NOL6: variants seen among roughly 807,000 people sequenced by gnomAD.
NOL6 encodes the protein nucleolar RNA-associated protein.
In NOL6, 33 loss-of-function variants were observed where a neutral mutation model predicts 131.7. The ratio of observed to expected loss-of-function variants is 0.25; its 90% CI spans 0.19 to 0.33. The LOEUF (loss-of-function observed/expected upper bound fraction) is 0.33. Ranked by LOEUF, NOL6 falls within the 10% of genes least tolerant of loss-of-function variation. The pLI, the probability that NOL6 is intolerant of heterozygous loss-of-function variation, is 1.00. For missense variants in NOL6, 1,297 were observed against 1,494.5 expected, an observed-to-expected ratio of 0.87 and a Z score of 2.18; for synonymous variants, 580 against 605.7, an observed-to-expected ratio of 0.96 and a Z score of 0.62.
At position 33,461,717 on chromosome 9, in the gene NOL6, G is replaced by A. The variant is rs1314755033; in HGVS notation, c.*947C>T. On this transcript the variant is annotated 3_prime_UTR_variant, in exon 26 of 26. Coordinates refer to ENST00000297990, the MANE Select transcript of NOL6 (RefSeq NM_022917.5). ...GGAAAGATCACCTCAGGCTGGGGGC[G>A]AGGGATGGGCTTAAGGAGGGGCACT... is the stretch of plus-strand genomic sequence containing the variant. 3 of 162,180 alleles carry A rather than the reference G, an allele frequency of 1.8e-5. No homozygotes were observed. Among genetic ancestry groups the A allele is most frequent in the Non-Finnish European group, 4.1e-5 (3 of 73,852 alleles). The allele number at this position is 162,180 out of a possible 1,614,324, so 10.0% of individuals were successfully genotyped here.
rs1161268146 is a variant in NOL6, at chr9:33,464,917, T to C, written c.2741A>G (p.Asn914Ser). Residue 914 changes from asparagine (N) to serine (S), a missense_variant, in exon 21 of 26, where the codon AAC becomes AGC. Asn to Ser is a conservative substitution (Grantham distance 46, BLOSUM62 1). Transcript: ENST00000297990. ...LFLVSTFDWK[N>S]NPLFVNLNNE... ...ATTGAGGTTGACAAAGAGGGGGTTG[T>C]TCTTCCAATCAAACGTTGATACCAA... The C allele has an allele frequency of 1.2e-6, 2 of 1,613,940 alleles. No individual in the cohort carries two copies. Among genetic ancestry groups the C allele is most frequent in the African/African-American group, 2.7e-5 (2 of 74,912 alleles).
chr9:33,469,754 G>C, intron 4 of NOL6, 87 bp from the exon 5 acceptor site: 1 of 1,506,380 alleles, frequency 6.6e-7, no homozygotes, highest in Non-Finnish European at 9.0e-7. Flanking sequence ...GAGAGAGCCA[G>C]GGCTCCTCTG....
intron 25 of NOL6, 50 bp from the exon 26 acceptor site, chr9:33,462,863 C>CAG: frequency 6.2e-7 from 1 of 1,607,776 alleles, no homozygotes; most frequent in Middle Eastern, 1.7e-4. Context: ...GCGGCACACC[C>CAG]AGAGACACCA....
chr9:33,461,806 G>T lies in NOL6; in HGVS notation c.*858C>A, dbSNP rs995602237. On this transcript the variant is annotated 3_prime_UTR_variant, in exon 26 of 26. Coordinates refer to ENST00000297990, the MANE Select transcript of NOL6 (RefSeq NM_022917.5). ...AAGCAGAGAGGCTACCAGAAAGTGG[G>T]TGTAGACCAGACTGAAAGGAGGCAG... 3.8e-5 allele frequency: 9 copies of T among 235,964 alleles called. No homozygotes were observed. Among genetic ancestry groups the T allele is most frequent in the Non-Finnish European group, 6.7e-5 (8 of 118,574 alleles). The allele number at this position is 235,964 out of a possible 1,614,324, so 14.6% of individuals were successfully genotyped here.
chr9:33,468,387 A>G lies in NOL6; in HGVS notation c.1242T>C (p.Val414=). 1 of 1,614,194 alleles carries G rather than the reference A, an allele frequency of 6.2e-7. No individual in the cohort carries two copies. The highest frequency in any genetic ancestry group is 1.3e-5 in the African/African-American group (1 of 75,068). The part of the protein sequence containing the change: ...ALADFHQAFS[V]VFLDSSGHLN... ...GATGGCCTGAGGAATCCAGGAAGAC[A>G]ACGGAGAAGGCCTGGTGGAAGTCAG... The change falls in exon 10 of 26, where the codon GTT becomes GTC. Residue 414 remains valine (V), a synonymous_variant. Coordinates refer to ENST00000297990, the MANE Select transcript of NOL6 (RefSeq NM_022917.5).
rs1827349827 is a variant in NOL6 at position 33,469,521 on chromosome 9, G to A, written c.705C>T (p.Pro235=). 2.5e-6 allele frequency: 4 copies of A among 1,609,670 alleles called. No individual in the cohort carries two copies. The East Asian group carries it at 8.9e-5, about 36-fold the overall frequency. Residue 235 remains proline (P), a synonymous_variant, in exon 5 of 26, where the codon CCC becomes CCT. Transcript: ENST00000297990. ...CACCACGCGGCCGCAGCAACAGTGA[G>A]GGTTTCAGGTGGCAGCCATTTGTGT... ...FSYTNGCHLK[P]SLLLRPRGKD...
Position 33,469,012 on chromosome 9 carries a change from C to T in NOL6, c.972G>A (p.Leu324=). Residue 324 remains leucine (L), a synonymous_variant, in exon 7 of 26, where the codon CTG becomes CTA. Transcript: ENST00000297990. ...CCTTCAGAAGTGCCACGCCATCCTTCAGGCCCTGGGCTGAACTCAGAATGG... is the reference window on the plus strand; with the variant it reads ...CCTTCAGAAGTGCCACGCCATCCTTTAGGCCCTGGGCTGAACTCAGAATGG... ...LSTILSSAQG[L]KDGVALLKVW... The T allele has an allele frequency of 1.9e-6, 3 of 1,614,216 alleles. No homozygotes were observed. In the South Asian group the frequency reaches 3.3e-5, roughly 18 times the overall value.
At position 33,466,117 on chromosome 9, in the gene NOL6, T is replaced by C; in HGVS notation, c.2318A>G (p.His773Arg). ...GGCAGTGGCACGGCACTGCAGACCA[T>C]GCTGTTGTGTCAACAGCTCTGCCAG... ...LRLAELLTQQ[H>R]GLQCRATATH... is the part of the protein sequence containing the mutation. Residue 773 changes from histidine to arginine, a missense_variant, in exon 18 of 26, where the codon CAT becomes CGT. Coordinates refer to ENST00000297990, the MANE Select transcript of NOL6 (RefSeq NM_022917.5). 3.1e-6 allele frequency: 5 copies of C among 1,612,224 alleles called. No homozygotes were observed. The highest frequency in any genetic ancestry group is 3.4e-6 in the Non-Finnish European group (4 of 1,178,936).
intron 1 of NOL6, chr9:33,472,710 C>T (rs550782605): frequency 3.4e-5 from 15 of 436,226 alleles, no homozygotes; most frequent in South Asian, 1.6e-4. Context: ...CGGTGGCTGA[C>T]GCCTGTAATC....
Position 33,467,273 on chromosome 9 carries a change from A to AATTTAGC in NOL6, c.1726-12_1726-11insGCTAAAT. 6.2e-7 allele frequency: 1 copy of AATTTAGC among 1,613,890 alleles called. No individual in the cohort carries two copies. The highest frequency in any genetic ancestry group is 1.7e-5 in the Admixed American group (1 of 60,010). ...GCGGAATTTAGCAGCCTGAGGAGGC[A>AATTTAGC]AGGGTGGTAGTAGAGCTGGGGAAGG... is the stretch of plus-strand genomic sequence containing the variant. On this transcript the variant is annotated splice_polypyrimidine_tract_variant and intron_variant, in intron 13 of 25. Coordinates refer to ENST00000297990, the MANE Select transcript of NOL6 (RefSeq NM_022917.5). The surrounding 1 kb of genome is among the most constrained non-coding windows in gnomAD (Gnocchi z 4.4).
At position 33,463,309 on chromosome 9, in the gene NOL6, GC is replaced by G; in HGVS notation, c.3126del (p.Ser1044HisfsTer3). 1 of 1,614,130 alleles carries G rather than the reference GC, an allele frequency of 6.2e-7. No individual in the cohort carries two copies. Among genetic ancestry groups the G allele is most frequent in the Non-Finnish European group, 8.5e-7 (1 of 1,179,988 alleles). On this transcript the variant is annotated frameshift_variant, in exon 24 of 26. Transcript: ENST00000297990. LOFTEE classifies it high-confidence loss of function. ...CCCAGCACGGGCATCAGGGATGAGG[GC>G]CCCGGCTGGCTGAGCAGGCCCCGGC... ...SFCRGLLSQP[G>X]PSSLMPVLGY... is the part of the protein sequence containing the mutation.
Position 33,471,987 on chromosome 9 carries a change from C to T in NOL6, c.378+17G>A. 1.3e-6 allele frequency: 2 copies of T among 1,587,048 alleles called. No individual in the cohort carries two copies. Among genetic ancestry groups the T allele is most frequent in the African/African-American group, 1.3e-5 (1 of 74,482 alleles). ...GGTCTCTCTTGGGCTTCCCAGTTCCCCAGGCCACTTGCTTACCTCTGTCTC... is the reference window on the plus strand; with the variant it reads ...GGTCTCTCTTGGGCTTCCCAGTTCCTCAGGCCACTTGCTTACCTCTGTCTC... On this transcript the variant is annotated intron_variant, in intron 3 of 25. Transcript: ENST00000297990.
At position 33,469,493 on chromosome 9, in the gene NOL6, T is replaced by A. The variant is rs775284948; in HGVS notation, c.727+6A>T. The A allele has an allele frequency of 6.2e-7, 1 of 1,600,434 alleles. No individual in the cohort carries two copies. Among genetic ancestry groups the A allele is most frequent in the Non-Finnish European group, 8.5e-7 (1 of 1,173,922 alleles). On this transcript the variant is annotated splice_donor_region_variant and intron_variant, in intron 5 of 25. Transcript: ENST00000297990. ...CTATGCCCTCAGCCCAATGTGTGCC[T>A]CTCACCACGCGGCCGCAGCAACAGT... is the stretch of plus-strand genomic sequence containing the variant.
chr9:33,469,440 C>T (rs1827347039), intron 5 of NOL6, 59 bp downstream of exon 5: 3 of 1,595,008 alleles, frequency 1.9e-6, no homozygotes, highest in African/African-American at 2.7e-5. Context: ...TGCCTCTGTG[C>T]CTTCTCCTCC....
rs567460620 is a variant in NOL6, at chr9:33,467,610, G to A, written c.1602+81C>T. 1.8e-5 allele frequency: 29 copies of A among 1,572,322 alleles called. No homozygotes were observed. Among genetic ancestry groups the A allele is most frequent in the Non-Finnish European group, 2.4e-5 (28 of 1,157,168 alleles). On this transcript the variant is annotated intron_variant, in intron 12 of 25. Transcript: ENST00000297990. This position sits in a 1 kb window ranked among gnomAD's most constrained non-coding sequence, Gnocchi z 4.4. ...GCTAGCTAGAAACGCCTAGCTGGAG[G>A]AATGGTGTGTCCTTTGTGTCTCTTG...
Position 33,465,836 on chromosome 9 carries a change from A to C in NOL6, c.2426T>G (p.Val809Gly), listed in dbSNP as rs552033932. The C allele has an allele frequency of 1.9e-6, 3 of 1,613,990 alleles. No individual in the cohort carries two copies. In the South Asian group the frequency reaches 3.3e-5, roughly 18 times the overall value. ...YQREPQILKE[V>G]QSPEGMISLR... Reference sequence around the variant, plus strand: ...CGAGATCATCCCCTCTGGGCTCTGCACCTCCTTCAGGATCTGGGGCTCCCG... The same window carrying C: ...CGAGATCATCCCCTCTGGGCTCTGCCCCTCCTTCAGGATCTGGGGCTCCCG... Residue 809 changes from valine to glycine, a missense_variant, in exon 19 of 26, where the codon GTG becomes GGG. Physicochemically the swap from Val to Gly is moderately radical, Grantham distance 109. Transcript: ENST00000297990.
Position 33,469,242 on chromosome 9 carries a change from G to C in NOL6, c.827C>G (p.Ser276Cys), listed in dbSNP as rs773088258. The change falls in exon 6 of 26, where the codon TCT (serine) becomes TGT (cysteine). Residue 276 changes from serine (S) to cysteine (C), a missense_variant. Physicochemically the swap from Ser to Cys is moderately radical, Grantham distance 112. Coordinates refer to ENST00000297990, the MANE Select transcript of NOL6 (RefSeq NM_022917.5). Reference sequence around the variant, plus strand: ...AGGACTCTGCCCTCGGTACCAGGCAGAGCGCACATTGTTCTTGGTTGGCAG... The same window carrying C: ...AGGACTCTGCCCTCGGTACCAGGCACAGCGCACATTGTTCTTGGTTGGCAG... ...RLLPTKNNVR[S>C]AWYRGQSPAG... The C allele has an allele frequency of 6.2e-7, 1 of 1,614,236 alleles. No homozygotes were observed. Among genetic ancestry groups the C allele is most frequent in the Non-Finnish European group, 8.5e-7 (1 of 1,180,052 alleles).
Position 33,462,000 on chromosome 9 carries a change from A to G in NOL6, c.*664T>C. 1 of 623,320 alleles carries G rather than the reference A, an allele frequency of 1.6e-6. No homozygotes were observed. The highest frequency in any genetic ancestry group is 2.8e-5 in the East Asian group (1 of 36,160). 38.6% of individuals were successfully genotyped at this position (623,320 alleles called of 1,614,324 possible). On this transcript the variant is annotated 3_prime_UTR_variant, in exon 26 of 26. Transcript: ENST00000297990. The stretch of plus-strand genomic sequence containing the variant: ...CCCCCAGTGCTTTTTGCACCTCTCC[A>G]AGATTGGGTGACTACCAGTCCCCTG...
At position 33,462,596 on chromosome 9, in the gene NOL6, CCTA is replaced by C. The variant is rs1353501650; in HGVS notation, c.*65_*67del. ...CATGTCCAAGGAGGGTGGAGGTCAT[CCTA>C]CTGACATCTTGCTCTAGAGGTCCAA... On this transcript the variant is annotated 3_prime_UTR_variant, in exon 26 of 26. Coordinates refer to ENST00000297990, the MANE Select transcript of NOL6 (RefSeq NM_022917.5). 1 of 1,565,022 alleles carries C rather than the reference CCTA, an allele frequency of 6.4e-7. No homozygotes were observed. Among genetic ancestry groups the C allele is most frequent in the Non-Finnish European group, 8.7e-7 (1 of 1,143,338 alleles).
Sources: gnomAD v4.1 joint callset for allele counts on GRCh38, gnomAD v4.1.1 for gene constraint, Gnocchi (gnomAD v3.1) non-coding constraint, MANE v1.5 for transcripts, NCBI Gene and HGNC (gene_info 2026-07-23, HGNC 2026-07-21) for gene names.